Variants in PCDHGB2 observed in about 807,000 individuals in gnomAD.
PCDHGB2 encodes the protein protocadherin gamma-B2.
Under a neutral mutation model 59.3 loss-of-function variants are expected in PCDHGB2, and 55 were observed. That is an observed-to-expected ratio of 0.93 (90% CI 0.75 to 1.16). The LOEUF is 1.16. Among genes scored for constraint, PCDHGB2 ranks in the 50% most tolerant of loss-of-function variants. PCDHGB2 has a pLI of 0.00. For missense variants in PCDHGB2, 1,228 were observed against 1,198.5 expected, an observed-to-expected ratio of 1.02 and a Z score of -0.36; for synonymous variants, 516 against 512.0, an observed-to-expected ratio of 1.01 and a Z score of -0.11.
At chr5:141,408,712 T>G in intron 1 of PCDHGB2, 1 of 1,612,332 alleles carries the variant, frequency 6.2e-7, no homozygotes, top group Non-Finnish European at 8.5e-7. Flanking sequence ...TTAAAGATTA[T>G]AAGATAAACT....
intron 1 of PCDHGB2, among the ~76,000 whole-genome samples, chr5:141,450,649 G>A (rs2098689040): frequency 6.6e-6 from 1 of 151,674 alleles, no homozygotes; most frequent in African/African-American, 2.4e-5. Flanking sequence ...ACCATGCCTG[G>A]CTAATTTTTG....
At chr5:141,365,407 C>G in intron 1 of PCDHGB2, 2 of 1,614,012 alleles carry the variant, frequency 1.2e-6, no homozygotes, top group South Asian at 1.1e-5. Flanking sequence ...TCTCTGAAGA[C>G]TGTCTTCCCG....
At chr5:141,414,230 C>T in intron 1 of PCDHGB2, 5 of 1,613,308 alleles carry the variant, frequency 3.1e-6, no homozygotes, top group Non-Finnish European at 4.2e-6. Flanking sequence ...CCAGAGCTGA[C>T]CATCACGTCT....
intron 1 of PCDHGB2, chr5:141,424,504 G>GT (rs892941709): frequency 6.6e-6 from 1 of 152,016 alleles, no homozygotes; most frequent in African/African-American, 2.4e-5. Context: ...TGTATGGAAG[G>GT]TTTTTTAATG....
In PCDHGB2 at chr5:141,361,987, A is replaced by G. The variant is rs1194727117; in HGVS notation, c.1852A>G (p.Ser618Gly). 1.2e-6 allele frequency: 2 copies of G among 1,601,686 alleles called. No homozygotes were observed. The highest frequency in any genetic ancestry group is 1.3e-5 in the African/African-American group (1 of 74,614). Residue 618 changes from serine (S) to glycine (G), a missense_variant, in exon 1 of 4, where the codon AGC becomes GGC. Coordinates refer to ENST00000522605, the MANE Select transcript of PCDHGB2 (RefSeq NM_018923.3). ...VLQASEPGLF[S>G]LGLRTGEVRT... is the part of the protein sequence containing the mutation. ...GCAGGCCAGCGAGCCCGGGCTCTTCAGCCTGGGGTTGCGCACGGGTGAGGT... is the reference window on the plus strand; with the variant it reads ...GCAGGCCAGCGAGCCCGGGCTCTTCGGCCTGGGGTTGCGCACGGGTGAGGT...
intron 1 of PCDHGB2, among the ~76,000 whole-genome samples, chr5:141,369,837 A>G (rs1029246557): frequency 2.6e-5 from 4 of 152,164 alleles, no homozygotes; most frequent in Non-Finnish European, 5.9e-5. Flanking sequence ...ATGATTTTCT[A>G]TGTATTATTT....
chr5:141,400,507 A>G (rs1158150708), intron 1 of PCDHGB2: 1 of 1,613,864 alleles, frequency 6.2e-7, no homozygotes, highest in Non-Finnish European at 8.5e-7. Context: ...CAGCGAGTCG[A>G]CTTCCCATCC....
chr5:141,447,023 G>GTTT, intron 1 of PCDHGB2, among the ~76,000 whole-genome samples: 1 of 151,542 alleles, frequency 6.6e-6, no homozygotes, highest in African/African-American at 2.4e-5. Context: ...GTTTTGTTTT[G>GTTT]TTTTTTTTCT....
intron 1 of PCDHGB2, among the ~76,000 whole-genome samples, chr5:141,363,900 A>G (rs1443403016): frequency 6.6e-6 from 1 of 152,258 alleles, no homozygotes; most frequent in Non-Finnish European, 1.5e-5. Flanking sequence ...CCGATGACGC[A>G]TTAAATAAAA....
intron 1 of PCDHGB2, chr5:141,366,222 C>A: frequency 3.7e-6 from 6 of 1,613,804 alleles, no homozygotes; most frequent in Non-Finnish European, 5.1e-6. Context: ...ACAGCGCGAG[C>A]CCTGCTGGAC....
In PCDHGB2 at chr5:141,490,823, A is replaced by T. The variant is rs1340589166; in HGVS notation, c.2422-3984A>T. ...CGTACCTTTGACTATGAATTGCTGC[A>T]GATGCTGCAGATTGTGGTGGGGGTT... On this transcript the variant is annotated intron_variant, in intron 1 of 3. Transcript: ENST00000522605. This position sits in a 1 kb window ranked among gnomAD's most constrained non-coding sequence, Gnocchi z 5.4. 13 of 1,613,928 alleles carry T rather than the reference A, an allele frequency of 8.1e-6. No individual in the cohort carries two copies. Among genetic ancestry groups the T allele is most frequent in the Non-Finnish European group, 9.3e-6 (11 of 1,179,864 alleles).
At chr5:141,435,314 G>T (rs1490871069) in intron 1 of PCDHGB2, among the ~76,000 whole-genome samples, 6 of 152,006 alleles carry the variant, frequency 3.9e-5, no homozygotes, top group African/African-American at 9.7e-5. Flanking sequence ...AATCATTCAT[G>T]AACTTCCAAA....
intron 1 of PCDHGB2, chr5:141,375,696 G>A: frequency 6.2e-7 from 1 of 1,614,260 alleles, no homozygotes; most frequent in African/African-American, 1.3e-5. Flanking sequence ...AGCGACAGCG[G>A]GGACCCGCCT....
At chr5:141,387,955 T>C in intron 1 of PCDHGB2, 1 of 1,493,874 alleles carries the variant, frequency 6.7e-7, no homozygotes. Flanking sequence ...CTGCTGTCTT[T>C]GTTCTGCCCG....
chr5:141,364,066 A>C (rs776023906), intron 1 of PCDHGB2, among the ~76,000 whole-genome samples: 1 of 152,216 alleles, frequency 6.6e-6, no homozygotes, highest in Non-Finnish European at 1.5e-5. Flanking sequence ...ATTATAACTA[A>C]ACTTAGGAGA....
rs770630741 is a variant in PCDHGB2, at chr5:141,381,826, C to CTTTTT, written c.2421+19288_2421+19292dup. On this transcript the variant is annotated intron_variant, in intron 1 of 3. Coordinates refer to ENST00000522605, the MANE Select transcript of PCDHGB2 (RefSeq NM_018923.3). ...TTTCTTTCTTTCTTTCTTTCTTCTT[C>CTTTTT]TTTTTTTTTTTTTTTTTTTTTTGGC... Among the ~76,000 whole-genome samples, 477 of 74,206 alleles carry CTTTTT rather than the reference C, an allele frequency of 6.4e-3. 7 individuals are homozygous for CTTTTT. Among genetic ancestry groups the CTTTTT allele is most frequent in the African/African-American group, 7.2e-3 (117 of 16,174 alleles). The allele number at this position is 74,206 out of a possible 152,430, so 48.7% of individuals were successfully genotyped here.
rs374159387 is a variant in PCDHGB2, at chr5:141,385,182, G to A, written c.2421+22626G>A. 154 of 1,614,138 alleles carry A rather than the reference G, an allele frequency of 9.5e-5. 1 individual carries two copies. The African/African-American group carries it at 1.3e-3, about 14-fold the overall frequency. ...ATTCCCATGAGGTCTCCCTCACCGC[G>A]GACTCTCGGAAGAGTCACCTGATCT... On this transcript the variant is annotated intron_variant, in intron 1 of 3. Coordinates refer to ENST00000522605, the MANE Select transcript of PCDHGB2 (RefSeq NM_018923.3).
intron 1 of PCDHGB2, chr5:141,409,367 G>A: frequency 1.9e-6 from 3 of 1,614,000 alleles, no homozygotes; most frequent in Non-Finnish European, 2.5e-6. Context: ...TATAGAAACA[G>A]ACATTCCATT....
In PCDHGB2 at chr5:141,488,566, A is replaced by T. The variant is rs1354931497; in HGVS notation, c.2422-6241A>T. On this transcript the variant is annotated intron_variant, in intron 1 of 3. Coordinates refer to ENST00000522605, the MANE Select transcript of PCDHGB2 (RefSeq NM_018923.3). ...TGTCAGCTGACATTGAGATTTCCGC[A>T]AAGCATTGCTGGAGAGTCAGGGCAA... 5.9e-5 allele frequency among the ~76,000 whole-genome samples: 9 copies of T among 152,324 alleles called. No individual in the cohort carries two copies. In the East Asian group the frequency reaches 1.5e-3, roughly 26 times the overall value.
Sources: gnomAD v4.1 joint callset for allele counts (sites outside exome capture counted in the v4.1 genomes callset) on GRCh38, gnomAD v4.1.1 for gene constraint, Gnocchi (gnomAD v3.1) non-coding constraint, MANE v1.5 for transcripts, NCBI Gene and HGNC (gene_info 2026-07-23, HGNC 2026-07-21) for gene names.